Variants in ZNF469 observed in about 807,000 individuals in gnomAD.
ZNF469 encodes the protein zinc finger protein 469.
Under a neutral mutation model 1.0 loss-of-function variants are expected in ZNF469, and 1 was observed. That is an observed-to-expected ratio of 1.00 (90% CI 0.35 to 4.73). The LOEUF is 4.73. ZNF469 is among the 30% of genes most tolerant of loss of function. ZNF469 has a pLI of 0.16. For synonymous variants in ZNF469, 2,703 were observed against 2,363.4 expected (o/e 1.14, Z -4.17); for missense variants, 6,100 against 5,356.3 (o/e 1.14, Z -4.33).
At chr16:88,299,335 A>C in the ZNF469 span, among the ~76,000 whole-genome samples, 1 of 151,110 alleles carries the variant, frequency 6.6e-6, no homozygotes, top group African/African-American at 2.4e-5. Context: ...TCCTGAAGGA[A>C]GCAGCTTGCA....
rs1428573853 is a variant in ZNF469 at position 88,439,074 on chromosome 16, C to A, written c.11604C>A (p.Asn3868Lys). The A allele has an allele frequency of 1.3e-6, 2 of 1,550,798 alleles. No individual in the cohort carries two copies. The highest frequency in any genetic ancestry group is 3.9e-5 in the Admixed American group (2 of 51,004). The change falls in exon 3 of 3, where the codon AAC becomes AAA. Residue 3868 changes from asparagine (N) to lysine (K), a missense_variant. Physicochemically the swap from Asn to Lys is moderately conservative, Grantham distance 94. Transcript: ENST00000565624. Reference sequence around the variant, plus strand: ...CCAAGCCCAAGCCCAACAGCCAGAACAAACCCAGGCCGCCACCATCAGAGC... The same window carrying A: ...CCAAGCCCAAGCCCAACAGCCAGAAAAAACCCAGGCCGCCACCATCAGAGC... ...LPTKPKPNSQ[N>K]KPRPPPSEQR...
At chr16:88,199,166 G>A in the ZNF469 span, among the ~76,000 whole-genome samples, 2 of 152,166 alleles carry the variant, frequency 1.3e-5, no homozygotes, top group Non-Finnish European at 2.9e-5. Context: ...CTGCAGATGG[G>A]AATGAGGACC....
chr16:88,317,152 G>A, the ZNF469 span, among the ~76,000 whole-genome samples: 1 of 152,222 alleles, frequency 6.6e-6, no homozygotes, highest in Non-Finnish European at 1.5e-5. Flanking sequence ...TGATCTCAGG[G>A]CTGAAGCCCT....
intron 1 of ZNF469, among the ~76,000 whole-genome samples, chr16:88,399,311 G>A (rs767904839): frequency 4.6e-5 from 7 of 152,244 alleles, no homozygotes; most frequent in African/African-American, 1.7e-4. Context: ...CAAGTCCGGG[G>A]CCAGCCAGGT....
the ZNF469 span, among the ~76,000 whole-genome samples, chr16:88,262,625 G>T: frequency 6.6e-6 from 1 of 152,112 alleles, no homozygotes; most frequent in Non-Finnish European, 1.5e-5. The surrounding 1 kb of genome is among the most constrained non-coding windows in gnomAD (Gnocchi z 4.3). Flanking sequence ...CACCTGGGGG[G>T]CAGAGGCTCC....
chr16:88,247,254 G>GTGAA, the ZNF469 span, among the ~76,000 whole-genome samples: 1 of 62,240 alleles, frequency 1.6e-5, no homozygotes, highest in Admixed American at 1.7e-4. Flanking sequence ...AATGAGTGAA[G>GTGAA]GAACAAGTGA....
chr16:88,285,816 G>A, the ZNF469 span, among the ~76,000 whole-genome samples: 2 of 152,240 alleles, frequency 1.3e-5, no homozygotes, highest in Non-Finnish European at 2.9e-5. Context: ...GGCCACCCTC[G>A]TCACAGTGCA....
the ZNF469 span, among the ~76,000 whole-genome samples, chr16:88,104,769 GTC>G: frequency 6.6e-6 from 1 of 152,352 alleles, no homozygotes; most frequent in African/African-American, 2.4e-5. Context: ...TTTTCTGCCT[GTC>G]CCCACAGCCT....
the ZNF469 span, among the ~76,000 whole-genome samples, chr16:88,114,252 TGCGG>T: frequency 7.7e-6 from 1 of 130,052 alleles, no homozygotes; most frequent in East Asian, 2.4e-4. Context: ...ACTCACTCAC[TGCGG>T]GTGTCTCCGG....
the ZNF469 span, among the ~76,000 whole-genome samples, chr16:88,333,224 G>A: frequency 6.6e-6 from 1 of 152,158 alleles, no homozygotes; most frequent in Non-Finnish European, 1.5e-5. Flanking sequence ...AGGGAAACCA[G>A]GTGTGGTCTC....
chr16:88,143,952 G>C, the ZNF469 span, among the ~76,000 whole-genome samples: 2 of 152,130 alleles, frequency 1.3e-5, no homozygotes, highest in African/African-American at 2.4e-5. Context: ...CCTGGCTCTG[G>C]GCCTCCCATC....
the ZNF469 span, among the ~76,000 whole-genome samples, chr16:88,261,198 G>A: frequency 1.3e-5 from 2 of 152,252 alleles, no homozygotes; most frequent in African/African-American, 4.8e-5. The surrounding 1 kb of genome is among the most constrained non-coding windows in gnomAD (Gnocchi z 6.0). Flanking sequence ...GCTGATGCGG[G>A]TGGGAGAGGA....
the ZNF469 span, among the ~76,000 whole-genome samples, chr16:88,307,960 T>G: frequency 6.6e-6 from 1 of 152,250 alleles, no homozygotes; most frequent in African/African-American, 2.4e-5. Flanking sequence ...AAGAGTGTTA[T>G]GGTTTCGGCT....
At chr16:88,218,329 A>C in the ZNF469 span, among the ~76,000 whole-genome samples, 29 of 149,022 alleles carry the variant, frequency 1.9e-4, no homozygotes, top group African/African-American at 7.3e-4. Context: ...TTCATTGTAG[A>C]TTCTGGATAT....
At chr16:88,301,292 C>G in the ZNF469 span, among the ~76,000 whole-genome samples, 1 of 152,018 alleles carries the variant, frequency 6.6e-6, no homozygotes, top group African/African-American at 2.4e-5. Flanking sequence ...GTAGCTGGGA[C>G]TACAGGTGCC....
In ZNF469 at chr16:88,434,275, A is replaced by C; in HGVS notation, c.6805A>C (p.Thr2269Pro). The change falls in exon 3 of 3, where the codon ACC (threonine) becomes CCC (proline). Residue 2269 changes from threonine (T) to proline (P), a missense_variant. Thr to Pro is a conservative substitution (Grantham distance 38). Transcript: ENST00000565624. ...EKLWESPGRA[T>P]SPPLAGAVSP... ...GCTGTGGGAGTCTCCTGGCCGAGCC[A>C]CCTCTCCTCCTCTGGCAGGGGCCGT... 6.5e-7 allele frequency: 1 copy of C among 1,550,116 alleles called. No homozygotes were observed. Among genetic ancestry groups the C allele is most frequent in the Non-Finnish European group, 8.7e-7 (1 of 1,146,898 alleles).
chr16:88,341,530 C>A, the ZNF469 span, among the ~76,000 whole-genome samples: 3 of 152,234 alleles, frequency 2.0e-5, no homozygotes, highest in African/African-American at 7.2e-5. Context: ...AATTTCCTTT[C>A]GCATTGACTC....
At chr16:88,234,701 A>G in the ZNF469 span, 1 of 152,270 alleles carries the variant, frequency 6.6e-6, no homozygotes. Flanking sequence ...GAGGCTGGAC[A>G]CAGCGTCCCT....
chr16:88,333,765 G>C, the ZNF469 span, among the ~76,000 whole-genome samples: 1 of 132,758 alleles, frequency 7.5e-6, no homozygotes, highest in Non-Finnish European at 1.6e-5. Flanking sequence ...ATCCCGAGGA[G>C]AATAAAAACA....
Sources: allele counts gnomAD v4.1 joint callset (sites outside exome capture counted in the v4.1 genomes callset), GRCh38; gene constraint gnomAD v4.1.1; non-coding constraint Gnocchi (gnomAD v3.1); transcripts MANE v1.5; gene names NCBI Gene and HGNC (gene_info 2026-07-23, HGNC 2026-07-21).